Variants in CACNA1B observed in about 807,000 individuals in gnomAD.
CACNA1B encodes voltage-dependent N-type calcium channel subunit alpha-1B.
A neutral mutation model predicts 247.2 loss-of-function variants in CACNA1B; 70 were observed. That is an observed-to-expected ratio of 0.28 (90% CI 0.23 to 0.35). The LOEUF (loss-of-function observed/expected upper bound fraction) is 0.35. CACNA1B is among the 10% of genes least tolerant of loss of function. The pLI is 1.00. For synonymous variants in CACNA1B, 1,231 were observed against 1,294.4 expected, an observed-to-expected ratio of 0.95 and a Z score of 1.05; for missense variants, 2,367 against 3,197.4, an observed-to-expected ratio of 0.74 and a Z score of 6.26.
intron 36 of CACNA1B, among the ~76,000 whole-genome samples, chr9:138,096,212 A>G (rs966974495): frequency 3.9e-5 from 6 of 152,162 alleles, no homozygotes; most frequent in African/African-American, 1.4e-4. Context: ...AGGGAAAGAC[A>G]ATGTGATCAC....
At chr9:138,087,256 G>A (rs1472217563) in intron 36 of CACNA1B, among the ~76,000 whole-genome samples, 1 of 149,586 alleles carries the variant, frequency 6.7e-6, no homozygotes, top group Non-Finnish European at 1.5e-5. Flanking sequence ...ATGGTGGTGG[G>A]TGCCTGTAAT....
chr9:137,955,866 G>T lies in CACNA1B; in HGVS notation c.1186+53G>T, dbSNP rs1957940894. On this transcript the variant is annotated intron_variant, in intron 8 of 46. Coordinates refer to ENST00000371372, the MANE Select transcript of CACNA1B (RefSeq NM_000718.4). The surrounding 1 kb of genome is among the most constrained non-coding windows in gnomAD (Gnocchi z 6.9). ...CCTGGCCGGCCACTGTTAGTTCTCT[G>T]TCCCCAATTCTGCTCTGCTGCCAGC... 2.4e-6 allele frequency: 3 copies of T among 1,225,148 alleles called. No individual in the cohort carries two copies. The highest frequency in any genetic ancestry group is 2.4e-6 in the Non-Finnish European group (2 of 847,736). The allele number at this position is 1,225,148 out of a possible 1,614,324, so 75.9% of individuals were successfully genotyped here. A position where few individuals can be genotyped will look rare whatever the true frequency, so the allele number is the denominator to read the frequency against.
Position 138,120,283 on chromosome 9 carries a change from A to G in CACNA1B, c.6149A>G (p.His2050Arg), listed in dbSNP as rs1341660896. The change falls in exon 45 of 47, where the codon CAC becomes CGC. Residue 2050 changes from histidine to arginine, a missense_variant. Transcript: ENST00000371372. Reference sequence around the variant, plus strand: ...CCACCCCCTAGCCAGGCGTCGTCGCACCACCACCACCACCGCTGCCACCGC... The same window carrying G: ...CCACCCCCTAGCCAGGCGTCGTCGCGCCACCACCACCACCGCTGCCACCGC... The part of the protein sequence containing the change: ...DRPPPSQASS[H>R]HHHHRCHRRR... The G allele has an allele frequency of 4.5e-6, 7 of 1,563,904 alleles. No homozygotes were observed. Among genetic ancestry groups the G allele is most frequent in the African/African-American group, 2.7e-5 (2 of 73,532 alleles).
intron 18 of CACNA1B, among the ~76,000 whole-genome samples, chr9:138,022,228 C>G (rs767940467): frequency 1.3e-5 from 2 of 152,164 alleles, no homozygotes; most frequent in African/African-American, 4.8e-5. Context: ...GGGAGGGGCT[C>G]TCCATGGAGT....
intron 20 of CACNA1B, among the ~76,000 whole-genome samples, chr9:138,029,005 C>T (rs1958955541): frequency 6.6e-6 from 1 of 152,242 alleles, no homozygotes; most frequent in South Asian, 2.1e-4. Flanking sequence ...TTTCTTCACA[C>T]AACCAACTGA....
intron 18 of CACNA1B, among the ~76,000 whole-genome samples, chr9:138,022,157 A>G (rs1196510740): frequency 6.6e-6 from 1 of 152,194 alleles, no homozygotes; most frequent in Non-Finnish European, 1.5e-5. Flanking sequence ...AGCCTGGACC[A>G]CTGGCCATCC....
chr9:138,055,071 T>G (rs1170751530), intron 26 of CACNA1B, among the ~76,000 whole-genome samples: 1 of 152,168 alleles, frequency 6.6e-6, no homozygotes, highest in Non-Finnish European at 1.5e-5. Context: ...CTCCTCTGAA[T>G]GGTGCTTTCT....
At position 138,058,477 on chromosome 9, in the gene CACNA1B, T is replaced by C; in HGVS notation, c.4309-92T>C. ...TTTGTCTTCTGTTGTCAGGGCTCCC[T>C]GTGAGGCCTGGCGAGACAGGGCTGG... is the stretch of plus-strand genomic sequence containing the variant. On this transcript the variant is annotated intron_variant, in intron 28 of 46. Coordinates refer to ENST00000371372, the MANE Select transcript of CACNA1B (RefSeq NM_000718.4). This position sits in a 1 kb window ranked among gnomAD's most constrained non-coding sequence, Gnocchi z 4.7. 8.2e-7 allele frequency: 1 copy of C among 1,220,482 alleles called. No homozygotes were observed. The highest frequency in any genetic ancestry group is 1.2e-6 in the Non-Finnish European group (1 of 867,986). 75.6% of individuals were successfully genotyped at this position (1,220,482 alleles called of 1,614,324 possible).
At chr9:138,075,686 T>G in intron 34 of CACNA1B, 133 bp from the exon 35 acceptor site, 1 of 625,576 alleles carries the variant, frequency 1.6e-6, no homozygotes, top group Non-Finnish European at 2.9e-6. Flanking sequence ...CGGGTGGGAG[T>G]TCTCTGGTGT....
chr9:137,945,980 G>A (rs542791106), intron 6 of CACNA1B, among the ~76,000 whole-genome samples: 1 of 152,132 alleles, frequency 6.6e-6, no homozygotes, highest in East Asian at 1.9e-4. Context: ...CACTGTGCCT[G>A]GCTAATTTTT....
At chr9:138,116,021 G>C (rs1961855570) in intron 42 of CACNA1B, among the ~76,000 whole-genome samples, 1 of 152,212 alleles carries the variant, frequency 6.6e-6, no homozygotes, top group Non-Finnish European at 1.5e-5. Flanking sequence ...CATTAGACAG[G>C]TGCTTCATCG....
chr9:138,120,577 C>A, intron 45 of CACNA1B, 54 bp from the exon 46 acceptor site: 1 of 1,461,804 alleles, frequency 6.8e-7, no homozygotes, highest in South Asian at 1.5e-5. Context: ...GCCCGGGGGT[C>A]AGGGGTCCCT....
rs199630162 is a variant in CACNA1B at position 138,118,682 on chromosome 9, C to T, written c.5944C>T (p.Arg1982Trp). 3.1e-5 allele frequency: 49 copies of T among 1,563,722 alleles called. No homozygotes were observed. The highest frequency in any genetic ancestry group is 7.0e-5 in the East Asian group (3 of 42,608). ...GGACGTTCAGATGCAGAGCATAACC[C>T]GGAGGGGCCCTGATGGGGAGCCCCA... Reference protein sequence around the residue: ...AVDVQMQSITRRGPDGEPQPG... With the variant: ...AVDVQMQSITWRGPDGEPQPG... Residue 1982 changes from arginine to tryptophan, a missense_variant, in exon 44 of 47, where the codon CGG becomes TGG. Coordinates refer to ENST00000371372, the MANE Select transcript of CACNA1B (RefSeq NM_000718.4).
chr9:137,928,273 A>G (rs1037473562), intron 6 of CACNA1B, among the ~76,000 whole-genome samples: 2 of 151,810 alleles, frequency 1.3e-5, no homozygotes, highest in African/African-American at 4.8e-5. Context: ...AATTTTTTGT[A>G]TTTTAGTAGA....
rs539174336 is a variant in CACNA1B, at chr9:137,961,399, A to G, written c.1333+3712A>G. On this transcript the variant is annotated intron_variant, in intron 10 of 46. Transcript: ENST00000371372. ...CCAGATTGCTCTGGCCAGAACTTCCAATACTATGTTGGATAGGAGTGGTGA... is the reference window on the plus strand; with the variant it reads ...CCAGATTGCTCTGGCCAGAACTTCCGATACTATGTTGGATAGGAGTGGTGA... 2.8e-4 allele frequency among the ~76,000 whole-genome samples: 42 copies of G among 152,294 alleles called. No individual in the cohort carries two copies. In the South Asian group the frequency reaches 8.3e-3, roughly 30 times the overall value.
At position 137,877,803 on chromosome 9, in the gene CACNA1B, G is replaced by A. The variant is rs911847613; in HGVS notation, c.-131G>A. On this transcript the variant is annotated 5_prime_UTR_variant, in exon 1 of 47. Transcript: ENST00000371372. ...AGTCGGGTGAGGCGGCGGCGGCTGC[G>A]GCGGTGGGGCCGGGCGAGGTCCGCT... 5.4e-6 allele frequency: 2 copies of A among 370,522 alleles called. No homozygotes were observed. Among genetic ancestry groups the A allele is most frequent in the Non-Finnish European group, 7.4e-6 (2 of 269,092 alleles). The allele number at this position is 370,522 out of a possible 1,614,324, so 23.0% of individuals were successfully genotyped here.
chr9:137,979,252 G>C (rs1351514737), intron 12 of CACNA1B, among the ~76,000 whole-genome samples: 1 of 152,220 alleles, frequency 6.6e-6, no homozygotes, highest in Non-Finnish European at 1.5e-5. Context: ...CTTCAGCCCA[G>C]TTGAAGGCCA....
intron 20 of CACNA1B, among the ~76,000 whole-genome samples, chr9:138,028,667 T>C (rs148749569): frequency 2.0e-5 from 3 of 152,330 alleles, no homozygotes; most frequent in Non-Finnish European, 4.4e-5. Flanking sequence ...CCTTGTAAAA[T>C]GAAGGCGCAT....
chr9:137,916,322 C>T (rs1010551196), intron 5 of CACNA1B, among the ~76,000 whole-genome samples: 10 of 152,120 alleles, frequency 6.6e-5, no homozygotes, highest in African/African-American at 1.2e-4. Flanking sequence ...CGTGAGCCAC[C>T]GTGCCTGGCC....
Sources: allele counts gnomAD v4.1 joint callset (sites outside exome capture counted in the v4.1 genomes callset), GRCh38; gene constraint gnomAD v4.1.1; non-coding constraint Gnocchi (gnomAD v3.1); transcripts MANE v1.5; gene names NCBI Gene and HGNC (gene_info 2026-07-23, HGNC 2026-07-21).